Variants in LIMK1 observed in about 807,000 individuals in gnomAD.
LIMK1 encodes LIM motif-containing protein kinase.
A neutral mutation model predicts 77.6 loss-of-function variants in LIMK1; 21 were observed. That is an observed-to-expected ratio of 0.27 (90% confidence interval 0.19 to 0.39). LIMK1 has a LOEUF of 0.39. Among genes scored for constraint, LIMK1 ranks in the 10% least tolerant of loss-of-function variants. The pLI is 1.00. For synonymous variants in LIMK1, 358 were observed against 370.0 expected, an observed-to-expected ratio of 0.97 and a Z score of 0.37; for missense variants, 696 against 901.6, an observed-to-expected ratio of 0.77 and a Z score of 2.92.
At chr7:74,110,097 C>T (rs1554698408) in intron 10 of LIMK1, 1 of 152,176 alleles carries the variant, frequency 6.6e-6, no homozygotes. Flanking sequence ...ACCTGAATTC[C>T]CAAACTTTGG....
chr7:74,107,230 G>T, intron 8 of LIMK1, 37 bp downstream of exon 8: 1 of 1,556,074 alleles, frequency 6.4e-7, no homozygotes, highest in South Asian at 1.2e-5. Context: ...GACAGTCTGG[G>T]TGGGACCCCT....
rs1204510327 is a variant in LIMK1, at chr7:74,121,029, C to T, written c.1761C>T (p.Cys587=). ...PSFFPITVRC[C]DLDPEKRPSF... ...TCTTCCCCATCACCGTGCGCTGTTG[C>T]GATCTGGACCCCGAGAAGAGGTGAG... The change falls in exon 15 of 16, where the codon TGC becomes TGT. Residue 587 remains cysteine (C), a synonymous_variant. Coordinates refer to ENST00000336180, the MANE Select transcript of LIMK1 (RefSeq NM_002314.4). The T allele has an allele frequency of 3.8e-6, 6 of 1,599,754 alleles. No individual in the cohort carries two copies. The highest frequency in any genetic ancestry group is 2.7e-5 in the African/African-American group (2 of 74,622).
Position 74,108,903 on chromosome 7 carries a change from A to G in LIMK1, c.1153-2A>G. 1 of 1,612,928 alleles carries G rather than the reference A, an allele frequency of 6.2e-7. No individual in the cohort carries two copies. The highest frequency in any genetic ancestry group is 8.5e-7 in the Non-Finnish European group (1 of 1,179,230). ...GGGCCCAGCCTGTTTGTGCCCCGCCAGGTGAAGGTCATGCGATGCCTGGAA... is the reference window on the plus strand; with the variant it reads ...GGGCCCAGCCTGTTTGTGCCCCGCCGGGTGAAGGTCATGCGATGCCTGGAA... On this transcript the variant is annotated splice_acceptor_variant, in intron 9 of 15. Transcript: ENST00000336180. LOFTEE classifies it high-confidence loss of function.
In LIMK1 at chr7:74,108,943, C is replaced by G. The variant is rs145141416; in HGVS notation, c.1191C>G (p.Leu397=). 8.7e-6 allele frequency: 14 copies of G among 1,613,932 alleles called. No individual in the cohort carries two copies. The highest frequency in any genetic ancestry group is 6.7e-5 in the African/African-American group (5 of 74,912). Residue 397 remains leucine (L), a synonymous_variant, in exon 10 of 16, where the codon CTC becomes CTG. Coordinates refer to ENST00000336180, the MANE Select transcript of LIMK1 (RefSeq NM_002314.4). The part of the protein sequence containing the change: ...VMRCLEHPNV[L]KFIGVLYKDK... ...GATGCCTGGAACACCCCAACGTGCTCAAGTTCATCGGGGTGCTCTACAAGG... is the reference window on the plus strand; with the variant it reads ...GATGCCTGGAACACCCCAACGTGCTGAAGTTCATCGGGGTGCTCTACAAGG...
chr7:74,107,242 C>T, intron 8 of LIMK1, 49 bp downstream of exon 8: 3 of 1,521,366 alleles, frequency 2.0e-6, no homozygotes, highest in East Asian at 4.6e-5. Context: ...GGGACCCCTC[C>T]ATCCTCCTTC....
chr7:74,097,218 A>C (rs535761151), intron 4 of LIMK1, 29 bp downstream of exon 4: 4 of 1,448,404 alleles, frequency 2.8e-6, no homozygotes, highest in African/African-American at 2.8e-5. Context: ...CCCTGAGCCT[A>C]GGAGGCCCAC....
chr7:74,096,994 A>G, intron 3 of LIMK1, 86 bp from the exon 4 acceptor site: 1 of 1,156,726 alleles, frequency 8.6e-7, no homozygotes, highest in Non-Finnish European at 1.2e-6. Context: ...TTTTTTGGTG[A>G]CACCCTTGGA....
At chr7:74,100,845 C>T (rs1471064312) in intron 5 of LIMK1, among the ~76,000 whole-genome samples, 3 of 151,756 alleles carry the variant, frequency 2.0e-5, no homozygotes, top group Non-Finnish European at 4.4e-5. Flanking sequence ...ACGCCATTCT[C>T]CTGCCTCAGC....
chr7:74,085,693 C>T, intron 1 of LIMK1, 55 bp from the exon 2 acceptor site: 1 of 1,425,088 alleles, frequency 7.0e-7, no homozygotes, highest in Non-Finnish European at 9.6e-7. Context: ...CAAGCTGGGC[C>T]TGCACCAGAT....
chr7:74,092,788 C>A (rs1799262266), intron 2 of LIMK1, among the ~76,000 whole-genome samples: 1 of 152,222 alleles, frequency 6.6e-6, no homozygotes, highest in African/African-American at 2.4e-5. Context: ...CTTCAGGGGA[C>A]CTTTTTGGCG....
intron 12 of LIMK1, among the ~76,000 whole-genome samples, chr7:74,112,385 G>A (rs187792849): frequency 3.4e-4 from 52 of 152,324 alleles, no homozygotes; most frequent in Admixed American, 5.2e-4. Context: ...CAGAGTGGGG[G>A]CATAGGCGTA....
chr7:74,118,374 TCAAACACACA>T (rs1342978361), intron 13 of LIMK1, among the ~76,000 whole-genome samples: 2 of 97,558 alleles, frequency 2.1e-5, no homozygotes, highest in Non-Finnish European at 4.1e-5. Flanking sequence ...GGACTCTGTG[TCAAACACACA>T]CACACACACA....
chr7:74,088,427 G>A lies in LIMK1; in HGVS notation c.152+2583G>A, dbSNP rs868909375. 2.6e-5 allele frequency among the ~76,000 whole-genome samples: 4 copies of A among 152,304 alleles called. No homozygotes were observed. In the South Asian group the frequency reaches 8.3e-4, roughly 32 times the overall value. On this transcript the variant is annotated intron_variant, in intron 2 of 15. Coordinates refer to ENST00000336180, the MANE Select transcript of LIMK1 (RefSeq NM_002314.4). ...GGAACAGGAACAGTTCCCTTGGAAGGAACAGAATAAGCTGAGGGATCCAAC... is the reference window on the plus strand; with the variant it reads ...GGAACAGGAACAGTTCCCTTGGAAGAAACAGAATAAGCTGAGGGATCCAAC...
At chr7:74,111,344 A>T in intron 10 of LIMK1, 1 of 373,610 alleles carries the variant, frequency 2.7e-6, no homozygotes, top group Non-Finnish European at 5.0e-6. Context: ...AGGCTGAGAC[A>T]CAAGAATCAC....
chr7:74,115,582 G>T, intron 12 of LIMK1: 1 of 527,310 alleles, frequency 1.9e-6, no homozygotes. Context: ...GTGGTGGGAG[G>T]GAGGAAGCCA....
intron 12 of LIMK1, among the ~76,000 whole-genome samples, chr7:74,112,959 T>C (rs1320986941): frequency 6.6e-6 from 1 of 152,024 alleles, no homozygotes; most frequent in Non-Finnish European, 1.5e-5. Context: ...ACCATGCCCA[T>C]CTGGAGAGGT....
At chr7:74,120,506 C>A in intron 13 of LIMK1, 77 bp from the exon 14 acceptor site, 2 of 1,519,874 alleles carry the variant, frequency 1.3e-6, no homozygotes, top group South Asian at 1.1e-5. Context: ...ATCCTCCCAG[C>A]TGGCCTGGTC....
intron 2 of LIMK1, among the ~76,000 whole-genome samples, chr7:74,092,476 G>GT (rs1453491712): frequency 6.6e-6 from 1 of 152,160 alleles, no homozygotes; most frequent in Non-Finnish European, 1.5e-5. Flanking sequence ...GGGACCTCTG[G>GT]TATTAGCCCT....
At chr7:74,105,005 G>A (rs1799539309) in intron 5 of LIMK1, among the ~76,000 whole-genome samples, 2 of 152,182 alleles carry the variant, frequency 1.3e-5, no homozygotes, top group Admixed American at 6.5e-5. Flanking sequence ...ACCCAGGCTG[G>A]AGTGCAGTGG....
Sources: gnomAD v4.1 joint callset for allele counts (sites outside exome capture counted in the v4.1 genomes callset) on GRCh38, gnomAD v4.1.1 for gene constraint, MANE v1.5 for transcripts, NCBI Gene and HGNC (gene_info 2026-07-23, HGNC 2026-07-21) for gene names.